Variants in SPOCK1 observed in about 807,000 individuals in gnomAD.
SPOCK1 encodes testican-1.
A neutral mutation model predicts 55.3 loss-of-function variants in SPOCK1; 23 were observed. The ratio of observed to expected loss-of-function variants is 0.42; its 90% CI spans 0.30 to 0.59. The LOEUF (loss-of-function observed/expected upper bound fraction) is 0.59. Ranked by LOEUF, SPOCK1 falls within the 20% of genes least tolerant of loss-of-function variation. The pLI is 0.22. For missense variants in SPOCK1, 499 were observed against 552.5 expected, an observed-to-expected ratio of 0.90 and a Z score of 0.97; for synonymous variants, 226 against 221.0, an observed-to-expected ratio of 1.02 and a Z score of -0.20.
chr5:137,307,853 C>T (rs1757724734), intron 2 of SPOCK1, among the ~76,000 whole-genome samples: 1 of 152,200 alleles, frequency 6.6e-6, no homozygotes, highest in African/African-American at 2.4e-5. Context: ...TGCAGGGGCT[C>T]AAGTGTCATG....
chr5:137,023,851 T>C (rs1751618146), intron 6 of SPOCK1, among the ~76,000 whole-genome samples: 1 of 152,108 alleles, frequency 6.6e-6, no homozygotes, highest in Non-Finnish European at 1.5e-5. Context: ...TTGAGTATCA[T>C]TAGCAAGAAC....
At chr5:137,117,078 T>C (rs747535257) in intron 4 of SPOCK1, among the ~76,000 whole-genome samples, 8 of 152,200 alleles carry the variant, frequency 5.3e-5, no homozygotes, top group Non-Finnish European at 1.0e-4. Context: ...GAGGTTATTA[T>C]TCCAACAGGA....
chr5:137,142,801 G>A (rs1754123369), intron 3 of SPOCK1, among the ~76,000 whole-genome samples: 1 of 152,182 alleles, frequency 6.6e-6, no homozygotes, highest in African/African-American at 2.4e-5. Context: ...GGTTCCTGGG[G>A]ATGTCTGCAT....
intron 2 of SPOCK1, among the ~76,000 whole-genome samples, chr5:137,358,107 A>C (rs1030339375): frequency 6.6e-6 from 1 of 152,094 alleles, no homozygotes; most frequent in Non-Finnish European, 1.5e-5. Flanking sequence ...AGAAAGCACC[A>C]AGTGATGCAA....
chr5:137,068,156 C>G (rs1752545920), intron 5 of SPOCK1, among the ~76,000 whole-genome samples: 2 of 152,224 alleles, frequency 1.3e-5, no homozygotes, highest in East Asian at 1.9e-4. Context: ...CCAGGAACCC[C>G]CTCCATTCAC....
intron 2 of SPOCK1, among the ~76,000 whole-genome samples, chr5:137,302,793 G>C (rs1757626397): frequency 6.6e-6 from 1 of 152,080 alleles, no homozygotes; most frequent in Non-Finnish European, 1.5e-5. Context: ...TCAACGTTAA[G>C]AAACTCAAAA....
At chr5:137,123,240 T>C (rs1753720556) in intron 4 of SPOCK1, among the ~76,000 whole-genome samples, 1 of 152,202 alleles carries the variant, frequency 6.6e-6, no homozygotes, top group African/African-American at 2.4e-5. Context: ...CTCTCCTATG[T>C]GGCCCTGACT....
At chr5:137,139,486 G>C (rs931103046) in intron 4 of SPOCK1, among the ~76,000 whole-genome samples, 19 of 151,980 alleles carry the variant, frequency 1.3e-4, no homozygotes, top group Non-Finnish European at 2.6e-4. Flanking sequence ...TGGACTTCAG[G>C]AACAGAGGGA....
intron 2 of SPOCK1, among the ~76,000 whole-genome samples, chr5:137,299,307 T>C (rs1757543759): frequency 1.3e-5 from 2 of 152,212 alleles, no homozygotes; most frequent in South Asian, 4.1e-4. Flanking sequence ...ATGAATACAC[T>C]TGCACATATT....
intron 2 of SPOCK1, among the ~76,000 whole-genome samples, chr5:137,410,613 A>G (rs1580910705): frequency 6.6e-6 from 1 of 152,232 alleles, no homozygotes. Flanking sequence ...AATAAAGTCA[A>G]CAAGTATTAA....
chr5:137,130,650 GT>G (rs1470204606), intron 4 of SPOCK1, among the ~76,000 whole-genome samples: 2 of 152,216 alleles, frequency 1.3e-5, no homozygotes, highest in Non-Finnish European at 2.9e-5. Context: ...ATTCCTCACA[GT>G]GATGGAAAGT....
At chr5:137,296,306 A>G (rs1580852274) in intron 2 of SPOCK1, among the ~76,000 whole-genome samples, 1 of 152,210 alleles carries the variant, frequency 6.6e-6, no homozygotes, top group Non-Finnish European at 1.5e-5. Flanking sequence ...CAGAAAGGCA[A>G]TATGCATGCC....
intron 2 of SPOCK1, among the ~76,000 whole-genome samples, chr5:137,305,476 G>GGA (rs1272334072): frequency 6.6e-6 from 1 of 152,168 alleles, no homozygotes; most frequent in Admixed American, 6.5e-5. Flanking sequence ...TTCAATGCAT[G>GGA]GCCTAGAGAC....
chr5:137,265,837 T>C (rs1034495083), intron 3 of SPOCK1, among the ~76,000 whole-genome samples: 2 of 152,272 alleles, frequency 1.3e-5, no homozygotes, highest in African/African-American at 2.4e-5. Context: ...ACCACAATTA[T>C]TGACTGATTT....
intron 3 of SPOCK1, among the ~76,000 whole-genome samples, chr5:137,224,090 G>C (rs543035721): frequency 7.9e-5 from 12 of 152,268 alleles, no homozygotes; most frequent in Middle Eastern, 6.8e-3. Context: ...CAAGGGAGAG[G>C]CTGGTTCTTT....
chr5:137,419,183 A>G (rs1561530635), intron 2 of SPOCK1, among the ~76,000 whole-genome samples: 1 of 152,186 alleles, frequency 6.6e-6, no homozygotes, highest in Non-Finnish European at 1.5e-5. Flanking sequence ...TACTAGTACC[A>G]TGCTGTTTTG....
At chr5:137,482,237 T>G (rs148890486) in intron 2 of SPOCK1, among the ~76,000 whole-genome samples, 2 of 152,320 alleles carry the variant, frequency 1.3e-5, no homozygotes, top group East Asian at 3.9e-4. Flanking sequence ...TTCACATCCA[T>G]GAGCAGCAGC....
chr5:137,446,732 A>T (rs1009061576), intron 2 of SPOCK1, among the ~76,000 whole-genome samples: 6 of 152,192 alleles, frequency 3.9e-5, no homozygotes, highest in African/African-American at 1.4e-4. Flanking sequence ...AAGTATATTC[A>T]CATTGTTGTG....
rs1750656019 is a variant in SPOCK1 at position 136,978,303 on chromosome 5, G to GTCTT, written c.*347_*350dup. The GTCTT allele has an allele frequency of 9.6e-6, 3 of 311,672 alleles. No individual in the cohort carries two copies. The highest frequency in any genetic ancestry group is 1.7e-5 in the Non-Finnish European group (3 of 171,808). 19.3% of individuals were successfully genotyped at this position (311,672 alleles called of 1,614,324 possible). A position where few individuals can be genotyped will look rare whatever the true frequency, so the allele number is the denominator to read the frequency against. ...CCACCAGTGTGGGTAATCAAAAAGGGTCTTTGACATTTAAGAGGGTTGGGG... is the reference window on the plus strand; with the variant it reads ...CCACCAGTGTGGGTAATCAAAAAGGGTCTTTCTTTGACATTTAAGAGGGTTGGGG... On this transcript the variant is annotated 3_prime_UTR_variant, in exon 11 of 11. Coordinates refer to ENST00000394945, the MANE Select transcript of SPOCK1 (RefSeq NM_004598.4).
Sources: gnomAD v4.1 joint callset for allele counts (sites outside exome capture counted in the v4.1 genomes callset) on GRCh38, gnomAD v4.1.1 for gene constraint, MANE v1.5 for transcripts, NCBI Gene and HGNC (gene_info 2026-07-23, HGNC 2026-07-21) for gene names.